WDR19: variants seen among roughly 807,000 people sequenced by gnomAD.
The protein encoded by WDR19 is WD repeat-containing protein 19.
WDR19 carries 121 observed loss-of-function variants against 180.0 expected under a neutral mutation model. The ratio of observed to expected loss-of-function variants is 0.67; its 90% CI spans 0.58 to 0.78. The LOEUF is 0.78. Ranked by LOEUF, WDR19 falls within the 30% of genes least tolerant of loss-of-function variation. The pLI, the probability that WDR19 is intolerant of heterozygous loss-of-function variation, is 0.00. For synonymous variants in WDR19, 497 were observed against 540.7 expected (o/e 0.92, Z 1.12); for missense variants, 1,450 against 1,640.7 (o/e 0.88, Z 2.01).
In WDR19 at chr4:39,185,621, T is replaced by C. The variant is rs563997915; in HGVS notation, c.7-105T>C. The C allele has an allele frequency of 8.7e-5, 94 of 1,074,924 alleles. 1 individual carries two copies. The highest frequency in any genetic ancestry group is 1.3e-4 in the Non-Finnish European group (92 of 726,632). 66.6% of individuals were successfully genotyped at this position (1,074,924 alleles called of 1,614,324 possible). Reference sequence around the variant, plus strand: ...AGCTCTAACATAATCCTCACTATCCTGAATCCTATGAAAACATGGTTTTCA... The same window carrying C: ...AGCTCTAACATAATCCTCACTATCCCGAATCCTATGAAAACATGGTTTTCA... On this transcript the variant is annotated intron_variant, in intron 1 of 36. Transcript: ENST00000399820.
At chr4:39,230,254 G>T (rs998988304) in intron 17 of WDR19, among the ~76,000 whole-genome samples, 3 of 152,106 alleles carry the variant, frequency 2.0e-5, no homozygotes, top group Admixed American at 6.6e-5. Context: ...TATATTTCAT[G>T]ATTCTTCCTG....
intron 30 of WDR19, among the ~76,000 whole-genome samples, chr4:39,268,979 C>G (rs6843579): frequency 0.98 from 148,645 of 152,242 alleles, 72,664 homozygotes; most frequent in Middle Eastern, 1. Context: ...GAAAGCTTTA[C>G]CTGAGTTTTG....
rs532766094 is a variant in WDR19 at position 39,219,391 on chromosome 4, A to G, written c.1479+1286A>G. ...ATCTTATGGGACTACCATCATGTAC[A>G]TAGTCCATCGCCAACCGAAACATTA... On this transcript the variant is annotated intron_variant, in intron 14 of 36. Coordinates refer to ENST00000399820, the MANE Select transcript of WDR19 (RefSeq NM_025132.4). Among the ~76,000 whole-genome samples, 37 of 152,354 alleles carry G rather than the reference A, an allele frequency of 2.4e-4. No homozygotes were observed. In the East Asian group the frequency reaches 6.4e-3, roughly 26 times the overall value.
Position 39,224,927 on chromosome 4 carries a change from T to C in WDR19, c.1523T>C (p.Val508Ala). 1.3e-6 allele frequency: 2 copies of C among 1,577,164 alleles called. No individual in the cohort carries two copies. The highest frequency in any genetic ancestry group is 1.7e-6 in the Non-Finnish European group (2 of 1,160,034). Residue 508 changes from valine (V) to alanine (A), a missense_variant, in exon 15 of 37, where the codon GTT becomes GCT. Val to Ala is a moderately conservative substitution (Grantham distance 64). Transcript: ENST00000399820. Reference protein sequence around the residue: ...QYFYIEDWQFVNDYRHPVSVK... With the variant: ...QYFYIEDWQFANDYRHPVSVK... Reference sequence around the variant, plus strand: ...TTCTACATTGAAGACTGGCAATTCGTTAATGATTATCGACATCCTGTCAGT... The same window carrying C: ...TTCTACATTGAAGACTGGCAATTCGCTAATGATTATCGACATCCTGTCAGT...
intron 19 of WDR19, among the ~76,000 whole-genome samples, chr4:39,234,353 A>T (rs1416963571): frequency 6.6e-6 from 1 of 152,216 alleles, no homozygotes; most frequent in East Asian, 1.9e-4. Flanking sequence ...AGAAAAACAC[A>T]CCAATTCCTA....
In WDR19 at chr4:39,254,027, A is replaced by T; in HGVS notation, c.2998A>T (p.Ile1000Phe). 1 of 1,607,572 alleles carries T rather than the reference A, an allele frequency of 6.2e-7. No homozygotes were observed. Among genetic ancestry groups the T allele is most frequent in the South Asian group, 1.1e-5 (1 of 89,736 alleles). Residue 1000 changes from isoleucine to phenylalanine, a missense_variant, in exon 26 of 37, where the codon ATT (isoleucine) becomes TTT (phenylalanine). By Grantham distance (21) the Ile-to-Phe change is conservative. Coordinates refer to ENST00000399820, the MANE Select transcript of WDR19 (RefSeq NM_025132.4). ...CAAAATGGAAATCTATGCAGATATT[A>T]TTGGTAAATATCATTTTTTCCCTGG... ...HNKMEIYADI[I>F]GSEDTTNEDY...
chr4:39,273,454 G>T (rs1296075230), intron 32 of WDR19: 1 of 178,746 alleles, frequency 5.6e-6, no homozygotes, highest in East Asian at 1.7e-4. Context: ...GTGCCAAGAA[G>T]CTCATTAGAG....
At position 39,240,299 on chromosome 4, in the gene WDR19, G is replaced by C; in HGVS notation, c.2386G>C (p.Ala796Pro). The C allele has an allele frequency of 7.0e-7, 1 of 1,427,798 alleles. No homozygotes were observed. Among genetic ancestry groups the C allele is most frequent in the African/African-American group, 1.5e-5 (1 of 67,540 alleles). 88.4% of individuals were successfully genotyped at this position (1,427,798 alleles called of 1,614,324 possible). ...CAGGGGTGATTATGTAAATGCTTTG[G>C]CTCATTATGAGAAAGGAATAACAGG... The part of the protein sequence containing the change: ...EFAGDYVNAL[A>P]HYEKGITGDN... The change falls in exon 21 of 37, where the codon GCT becomes CCT. Residue 796 changes from alanine to proline, a missense_variant. Physicochemically the swap from Ala to Pro is conservative, Grantham distance 27. Transcript: ENST00000399820.
At chr4:39,182,691 GA>G in intron 1 of WDR19, 128 bp downstream of exon 1, 4 of 1,428,246 alleles carry the variant, frequency 2.8e-6, no homozygotes, top group Non-Finnish European at 2.9e-6. Flanking sequence ...GAGAGAGAGA[GA>G]GAGGTGGCCA....
chr4:39,265,770 CAAA>C (rs11326526), intron 28 of WDR19, among the ~76,000 whole-genome samples: 8 of 81,062 alleles, frequency 9.9e-5, no homozygotes, highest in Middle Eastern at 6.8e-3. Context: ...GACTCTGTCT[CAAA>C]AAAAAAAAAA....
intron 17 of WDR19, among the ~76,000 whole-genome samples, chr4:39,231,341 T>C (rs912597117): frequency 2.2e-5 from 3 of 134,860 alleles, no homozygotes; most frequent in African/African-American, 5.6e-5. Flanking sequence ...AAAAAAAGAG[T>C]GGGCTGATCA....
intron 32 of WDR19, 161 bp downstream of exon 32, chr4:39,273,222 G>A (rs1735556702): frequency 7.0e-6 from 4 of 572,004 alleles, no homozygotes; most frequent in Non-Finnish European, 1.2e-5. Flanking sequence ...TCCCAGGTTT[G>A]ATGACTCTTC....
At chr4:39,206,176 A>G (rs1368469529) in intron 9 of WDR19, 1 of 152,898 alleles carries the variant, frequency 6.5e-6, no homozygotes, top group Non-Finnish European at 1.5e-5. Context: ...AGAAGTAGGC[A>G]CCAAAGCACA....
chr4:39,220,559 GA>G (rs1272934965), intron 14 of WDR19, among the ~76,000 whole-genome samples: 58 of 39,786 alleles, frequency 1.5e-3, no homozygotes, highest in African/African-American at 5.2e-3. Context: ...AGACCTCCTT[GA>G]TTTTTTTTTT....
At chr4:39,190,314 C>T (rs1371320701) in intron 4 of WDR19, among the ~76,000 whole-genome samples, 1 of 152,044 alleles carries the variant, frequency 6.6e-6, no homozygotes, top group Non-Finnish European at 1.5e-5. Context: ...GGTACTCCCA[C>T]CAAGTGAAAG....
intron 31 of WDR19, among the ~76,000 whole-genome samples, chr4:39,271,103 G>T (rs1735323508): frequency 6.6e-6 from 1 of 151,974 alleles, no homozygotes; most frequent in South Asian, 2.1e-4. Flanking sequence ...CACCACGTTG[G>T]CCAGGCTGGT....
intron 14 of WDR19, 163 bp downstream of exon 14, chr4:39,218,268 T>A (rs1336920649): frequency 2.2e-6 from 2 of 903,422 alleles, no homozygotes; most frequent in Non-Finnish European, 3.3e-6. Flanking sequence ...CTCTTTGCAG[T>A]GGGGATACAT....
At chr4:39,209,359 C>T (rs1728264095) in intron 9 of WDR19, among the ~76,000 whole-genome samples, 1 of 151,900 alleles carries the variant, frequency 6.6e-6, no homozygotes, top group Admixed American at 6.6e-5. Flanking sequence ...AAATTTATAG[C>T]ACTAAATGTT....
intron 19 of WDR19, among the ~76,000 whole-genome samples, chr4:39,232,832 C>A (rs1731015278): frequency 6.6e-6 from 1 of 152,044 alleles, no homozygotes; most frequent in Non-Finnish European, 1.5e-5. Context: ...TTTAAGAACC[C>A]CTGAGTACTC....
Sources: allele counts gnomAD v4.1 joint callset (sites outside exome capture counted in the v4.1 genomes callset), GRCh38; gene constraint gnomAD v4.1.1; transcripts MANE v1.5; gene names NCBI Gene and HGNC (gene_info 2026-07-23, HGNC 2026-07-21).